The following ITFG1 variants were observed in gnomAD, a reference collection of about 807,000 sequenced individuals.
The protein encoded by ITFG1 is T-cell immunomodulatory protein.
A neutral mutation model predicts 81.8 loss-of-function variants in ITFG1; 34 were observed. The observed-to-expected ratio is 0.42, with a 90% CI of 0.32 to 0.55. The LOEUF is 0.55. ITFG1 is among the 20% of genes least tolerant of loss of function. The pLI is 0.17. For missense variants in ITFG1, 672 were observed against 755.4 expected (o/e 0.89, Z 1.29); for synonymous variants, 285 against 270.6 (o/e 1.05, Z -0.52).
Position 47,454,556 on chromosome 16 carries a change from A to G in ITFG1, c.282-398T>C, listed in dbSNP as rs112774294. 3.4e-3 allele frequency among the ~76,000 whole-genome samples: 519 copies of G among 152,306 alleles called. 4 individuals carry two copies. The highest frequency in any genetic ancestry group is 0.012 in the African/African-American group (481 of 41,570). Reference sequence around the variant, plus strand: ...TCACTGGGATGTTTTCAATTAAAAGATATTATTTATAAAATATTTAGTTTG... The same window carrying G: ...TCACTGGGATGTTTTCAATTAAAAGGTATTATTTATAAAATATTTAGTTTG... On this transcript the variant is annotated intron_variant, in intron 2 of 17. Coordinates refer to ENST00000320640, the MANE Select transcript of ITFG1 (RefSeq NM_030790.5).
At chr16:47,223,620 C>G (rs1392365080) in intron 13 of ITFG1, among the ~76,000 whole-genome samples, 1 of 152,076 alleles carries the variant, frequency 6.6e-6, no homozygotes, top group Admixed American at 6.5e-5. Flanking sequence ...GTTGGTGGGA[C>G]TGTAAACTAG....
intron 6 of ITFG1, among the ~76,000 whole-genome samples, chr16:47,378,222 G>C (rs1273249819): frequency 6.6e-6 from 1 of 152,178 alleles, no homozygotes; most frequent in Non-Finnish European, 1.5e-5. Flanking sequence ...CATTACAGGT[G>C]AATTTGTTCA....
rs151008615 is a variant in ITFG1 at position 47,427,140 on chromosome 16, G to C, written c.655+1664C>G. 8.5e-5 allele frequency among the ~76,000 whole-genome samples: 13 copies of C among 152,248 alleles called. No homozygotes were observed. The East Asian group carries it at 2.5e-3, about 29-fold the overall frequency. On this transcript the variant is annotated intron_variant, in intron 6 of 17. Transcript: ENST00000320640. ...GACAGATTTAGTGTGTCACAATTTT[G>C]CAACTCCTGTTGAAATAATGGGGCT...
chr16:47,370,574 C>A (rs1968239817), intron 7 of ITFG1, among the ~76,000 whole-genome samples: 1 of 152,262 alleles, frequency 6.6e-6, no homozygotes, highest in Non-Finnish European at 1.5e-5. Flanking sequence ...TTTTTAGATG[C>A]CACTATGCTC....
chr16:47,427,265 A>G (rs1434994044), intron 6 of ITFG1, among the ~76,000 whole-genome samples: 1 of 152,206 alleles, frequency 6.6e-6, no homozygotes, highest in African/African-American at 2.4e-5. Flanking sequence ...ATATCACAGA[A>G]GAGAGAGAAC....
intron 13 of ITFG1, among the ~76,000 whole-genome samples, chr16:47,221,562 T>C (rs947089028): frequency 1.1e-4 from 16 of 152,230 alleles, no homozygotes; most frequent in Admixed American, 2.6e-4. Context: ...CTTGTGTCTC[T>C]GCCCGGCTTT....
chr16:47,329,623 CTGAG>C (rs1967610482), intron 8 of ITFG1, among the ~76,000 whole-genome samples: 1 of 152,142 alleles, frequency 6.6e-6, no homozygotes, highest in Non-Finnish European at 1.5e-5. Context: ...TAAGCAGTCA[CTGAG>C]TGTTTACTAT....
intron 10 of ITFG1, among the ~76,000 whole-genome samples, chr16:47,293,740 T>G (rs991800338): frequency 6.6e-6 from 1 of 152,090 alleles, no homozygotes; most frequent in African/African-American, 2.4e-5. Flanking sequence ...TTGAGTTATT[T>G]ATAAATTCTG....
chr16:47,388,767 G>T (rs116016926), intron 6 of ITFG1, among the ~76,000 whole-genome samples: 1,730 of 152,244 alleles, frequency 0.011, 28 homozygotes, highest in African/African-American at 0.039. Context: ...TAAAGTTGCT[G>T]CAAAGTGTGA....
chr16:47,258,683 G>A lies in ITFG1; in HGVS notation c.1279C>T (p.His427Tyr), dbSNP rs760997061. ...KGYTKNDFAI[H>Y]TLKNNFEADA... ...GCTTCAAAGTTATTTTTTAGTGTAT[G>A]AATGGCAAAATCATTCTTTGTATAT... Residue 427 changes from histidine (H) to tyrosine (Y), a missense_variant, in exon 12 of 18, where the codon CAT becomes TAT. Coordinates refer to ENST00000320640, the MANE Select transcript of ITFG1 (RefSeq NM_030790.5). 3.9e-6 allele frequency: 6 copies of A among 1,557,510 alleles called. No homozygotes were observed. In the South Asian group the frequency reaches 7.0e-5, roughly 18 times the overall value.
intron 8 of ITFG1, among the ~76,000 whole-genome samples, chr16:47,362,762 A>G (rs1415333800): frequency 6.6e-6 from 1 of 152,200 alleles, no homozygotes; most frequent in African/African-American, 2.4e-5. Flanking sequence ...CATTAATTTC[A>G]TAATCAACAA....
Position 47,454,121 on chromosome 16 carries a change from C to T in ITFG1, c.319G>A (p.Asp107Asn). Reference protein sequence around the residue: ...SALITSVVPGDYDGDSQMDVL... With the variant: ...SALITSVVPGNYDGDSQMDVL... ...TCCATTTGAGAATCTCCATCATAAT[C>T]CCCAGGGACTACACTTGTTATCAAT... The change falls in exon 3 of 18, where the codon GAT becomes AAT. Residue 107 changes from aspartate (D) to asparagine (N), a missense_variant. Asp to Asn is a conservative substitution (Grantham distance 23). Around this residue, in one of 3 missense-constraint regions of ITFG1, gnomAD observed 560 missense variants for 625.7 expected, o/e 0.90. Transcript: ENST00000320640. The T allele has an allele frequency of 6.2e-7, 1 of 1,607,376 alleles. No individual in the cohort carries two copies. The highest frequency in any genetic ancestry group is 8.5e-7 in the Non-Finnish European group (1 of 1,174,626).
intron 6 of ITFG1, among the ~76,000 whole-genome samples, chr16:47,421,415 C>T (rs1470985326): frequency 6.6e-6 from 1 of 152,006 alleles, no homozygotes; most frequent in African/African-American, 2.4e-5. Flanking sequence ...AGCGATTCTC[C>T]TGCCTCAGGC....
chr16:47,406,292 T>C (rs1373014146), intron 6 of ITFG1, among the ~76,000 whole-genome samples: 1 of 152,246 alleles, frequency 6.6e-6, no homozygotes, highest in Admixed American at 6.5e-5. Context: ...TGTTATTTTC[T>C]ATGTCTGCTT....
intron 8 of ITFG1, among the ~76,000 whole-genome samples, chr16:47,335,065 C>G (rs1220904208): frequency 6.6e-6 from 1 of 151,676 alleles, no homozygotes; most frequent in East Asian, 1.9e-4. Flanking sequence ...TTTATAAAAC[C>G]CATTAAGATG....
At chr16:47,252,357 G>GAGAAAAA (rs1381476929) in intron 12 of ITFG1, among the ~76,000 whole-genome samples, 64 of 152,180 alleles carry the variant, frequency 4.2e-4, no homozygotes, top group African/African-American at 1.4e-3. Context: ...TCTGCTTTTG[G>GAGAAAAA]AGAAAAAAGA....
At chr16:47,252,847 A>G (rs1247142154) in intron 12 of ITFG1, among the ~76,000 whole-genome samples, 1 of 152,234 alleles carries the variant, frequency 6.6e-6, no homozygotes, top group Admixed American at 6.5e-5. Context: ...ATTACGTGCT[A>G]GTAACTGACT....
At chr16:47,197,311 T>G (rs1428969622) in intron 14 of ITFG1, among the ~76,000 whole-genome samples, 3 of 152,182 alleles carry the variant, frequency 2.0e-5, no homozygotes, top group Non-Finnish European at 4.4e-5. Context: ...ACAAGAACCT[T>G]GGCCTCCACA....
At chr16:47,449,843 G>C (rs183065896) in intron 5 of ITFG1, 1 of 152,064 alleles carries the variant, frequency 6.6e-6, no homozygotes, top group Non-Finnish European at 1.5e-5. Flanking sequence ...TAGTTTTCTC[G>C]CAGATTAAGT....
Sources: allele counts gnomAD v4.1 joint callset (sites outside exome capture counted in the v4.1 genomes callset), GRCh38; gene constraint gnomAD v4.1.1; regional missense constraint gnomAD v4.1.1; transcripts MANE v1.5; gene names NCBI Gene and HGNC (gene_info 2026-07-23, HGNC 2026-07-21).